The following NDC80 variants were observed in gnomAD, a reference collection of about 807,000 sequenced individuals.
NDC80 encodes the protein NDC80 kinetochore complex component, also known as kinetochore protein NDC80 homolog.
NDC80 carries 69 observed loss-of-function variants against 89.3 expected under a neutral mutation model. That is an observed-to-expected ratio of 0.77 (90% CI 0.64 to 0.94). The LOEUF (loss-of-function observed/expected upper bound fraction) is 0.94, where lower values mean the gene tolerates loss of function less well. Ranked by LOEUF, NDC80 falls within the 40% of genes least tolerant of loss-of-function variation. The probability of loss-of-function intolerance (pLI) is 0.00; values close to 1 mark genes in which losing one functional copy is unlikely to be tolerated. For missense variants in NDC80, 593 were observed against 739.6 expected (o/e 0.80, Z 2.30); for synonymous variants, 243 against 255.6 (o/e 0.95, Z 0.47).
In NDC80 at chr18:2,579,041, G is replaced by T. The variant is rs771581284; in HGVS notation, c.579+12G>T. 32 of 1,476,830 alleles carry T rather than the reference G, an allele frequency of 2.2e-5. No homozygotes were observed. Among genetic ancestry groups the T allele is most frequent in the Non-Finnish European group, 2.6e-5 (29 of 1,103,290 alleles). 91.5% of individuals were successfully genotyped at this position (1,476,830 alleles called of 1,614,324 possible). A position where few individuals can be genotyped will look rare whatever the true frequency, so the allele number is the denominator to read the frequency against. On this transcript the variant is annotated intron_variant, in intron 6 of 16. Transcript: ENST00000261597. Reference sequence around the variant, plus strand: ...TAGACTGCATCAAGGTATTTGATTTGTTCTTTTGAAATGTATACATGGGAA... The same window carrying T: ...TAGACTGCATCAAGGTATTTGATTTTTTCTTTTGAAATGTATACATGGGAA...
At chr18:2,596,878 G>A (rs1383767470) in intron 11 of NDC80, among the ~76,000 whole-genome samples, 1 of 151,648 alleles carries the variant, frequency 6.6e-6, no homozygotes, top group East Asian at 1.9e-4. Flanking sequence ...CCTTTGTAGG[G>A]ACATGGATGA....
chr18:2,608,970 A>T, intron 15 of NDC80, 140 bp downstream of exon 15: 1 of 843,302 alleles, frequency 1.2e-6, no homozygotes, highest in Non-Finnish European at 1.7e-6. Context: ...ATAGAACTTA[A>T]GTACAACTGC....
chr18:2,606,181 C>A (rs888549352), intron 13 of NDC80, among the ~76,000 whole-genome samples: 1 of 151,188 alleles, frequency 6.6e-6, no homozygotes, highest in South Asian at 2.1e-4. Flanking sequence ...AAAGCACTCC[C>A]ACAACAACTA....
chr18:2,579,464 G>C (rs1221921262), intron 6 of NDC80, among the ~76,000 whole-genome samples: 2 of 152,136 alleles, frequency 1.3e-5, no homozygotes, highest in Non-Finnish European at 2.9e-5. Context: ...GTCTCGCTGT[G>C]TTGCCCAGGC....
rs890060574 is a variant in NDC80 at position 2,590,058 on chromosome 18, A to G, written c.911A>G (p.Gln304Arg). 2 of 1,609,544 alleles carry G rather than the reference A, an allele frequency of 1.2e-6. No homozygotes were observed. The highest frequency in any genetic ancestry group is 2.2e-5 in the South Asian group (2 of 90,014). ...TTGAGAAAACTGAAGGCTTCCTTAC[A>G]AGGAGATGTTCAAAAGTATCAGGCA... is the stretch of plus-strand genomic sequence containing the variant. Reference protein sequence around the residue: ...ESLRKLKASLQGDVQKYQAYM... With the variant: ...ESLRKLKASLRGDVQKYQAYM... Residue 304 changes from glutamine (Q) to arginine (R), a missense_variant, in exon 10 of 17, where the codon CAA (glutamine) becomes CGA (arginine). By Grantham distance (43) the Gln-to-Arg change is conservative. Transcript: ENST00000261597.
chr18:2,577,748 C>T lies in NDC80; in HGVS notation c.182C>T (p.Thr61Ile). Residue 61 changes from threonine (T) to isoleucine (I), a missense_variant and splice_region_variant, in exon 4 of 17, where the codon ACT becomes ATT. Coordinates refer to ENST00000261597, the MANE Select transcript of NDC80 (RefSeq NM_006101.3). ...GCTGTTTAAAAATATATTTCCAGAA[C>T]TAGTGGACATGGATCCCGGAATAGT... ...ERKVSLFGKR[T>I]SGHGSRNSQL... The T allele has an allele frequency of 6.2e-7, 1 of 1,613,508 alleles. No individual in the cohort carries two copies. Among genetic ancestry groups the T allele is most frequent in the Admixed American group, 1.7e-5 (1 of 59,816 alleles).
At chr18:2,610,716 AT>A (rs1214992868) in intron 15 of NDC80, 42 bp from the exon 16 acceptor site, 11 of 1,394,820 alleles carry the variant, frequency 7.9e-6, no homozygotes, top group East Asian at 2.4e-5. Context: ...GGATGTATTA[AT>A]TTTTTTCCTG....
intron 6 of NDC80, among the ~76,000 whole-genome samples, chr18:2,584,494 G>T (rs2072594852): frequency 1.3e-5 from 2 of 151,800 alleles, no homozygotes; most frequent in Admixed American, 1.3e-4. Context: ...TTCCAAAATG[G>T]AATTTCTATG....
At chr18:2,610,014 G>T (rs565916407) in intron 15 of NDC80, among the ~76,000 whole-genome samples, 1 of 152,120 alleles carries the variant, frequency 6.6e-6, no homozygotes, top group Non-Finnish European at 1.5e-5. Context: ...CAAATTATAC[G>T]TTGTCAGGAT....
At chr18:2,607,773 A>G (rs893739405) in intron 14 of NDC80, among the ~76,000 whole-genome samples, 1 of 150,884 alleles carries the variant, frequency 6.6e-6, no homozygotes, top group African/African-American at 2.5e-5. Flanking sequence ...CCATAATCCC[A>G]TCACTAGAAA....
chr18:2,596,338 A>C (rs1470215379), intron 11 of NDC80, among the ~76,000 whole-genome samples: 1 of 152,012 alleles, frequency 6.6e-6, no homozygotes, highest in African/African-American at 2.4e-5. Flanking sequence ...AGAAAAAAAC[A>C]AACAAACCCA....
At chr18:2,578,366 C>CAAAT (rs2072558713) in intron 5 of NDC80, among the ~76,000 whole-genome samples, 1 of 152,078 alleles carries the variant, frequency 6.6e-6, no homozygotes, top group South Asian at 2.1e-4. Flanking sequence ...TTGTTAGTAA[C>CAAAT]TGATCAAGTT....
At chr18:2,607,965 GTATATATATA>G (rs3033372) in intron 14 of NDC80, among the ~76,000 whole-genome samples, 2,533 of 68,136 alleles carry the variant, frequency 0.037, 75 homozygotes, top group Middle Eastern at 0.11. Context: ...TATATACATA[GTATATATATA>G]TATATATATA....
At position 2,610,536 on chromosome 18, in the gene NDC80, A is replaced by G. The variant is rs559489106; in HGVS notation, c.1689-223A>G. 3.3e-5 allele frequency among the ~76,000 whole-genome samples: 5 copies of G among 152,342 alleles called. No individual in the cohort carries two copies. The South Asian group carries it at 1.0e-3, about 32-fold the overall frequency. On this transcript the variant is annotated intron_variant, in intron 15 of 16. Coordinates refer to ENST00000261597, the MANE Select transcript of NDC80 (RefSeq NM_006101.3). ...GCTCCAAAGCTTTATATGTTAAAACATGGTGCTCTTTTGTTTTGTTGCTTG... is the reference window on the plus strand; with the variant it reads ...GCTCCAAAGCTTTATATGTTAAAACGTGGTGCTCTTTTGTTTTGTTGCTTG...
intron 7 of NDC80, among the ~76,000 whole-genome samples, chr18:2,587,330 C>G (rs546990307): frequency 3.9e-5 from 6 of 152,318 alleles, no homozygotes; most frequent in African/African-American, 1.4e-4. Flanking sequence ...TAGATTGCTA[C>G]TCATCATGCA....
At chr18:2,585,800 T>C (rs2072600537) in intron 7 of NDC80, among the ~76,000 whole-genome samples, 1 of 152,214 alleles carries the variant, frequency 6.6e-6, no homozygotes, top group Admixed American at 6.5e-5. Flanking sequence ...AATCATAACA[T>C]GTTATATGTT....
In NDC80 at chr18:2,587,912, A is replaced by G. The variant is rs2072610104; in HGVS notation, c.752A>G (p.Gln251Arg). The stretch of plus-strand genomic sequence containing the variant: ...TTTGATGAGATGAATGCAGAGCTGC[A>G]GTCAAAACTGAGTAAGTGTTCTCGT... ...DSFDEMNAEL[Q>R]SKLKDLFNVD... The change falls in exon 8 of 17, where the codon CAG (glutamine) becomes CGG (arginine). Residue 251 changes from glutamine to arginine, a missense_variant. Transcript: ENST00000261597. 2 of 1,613,204 alleles carry G rather than the reference A, an allele frequency of 1.2e-6. No homozygotes were observed. Among genetic ancestry groups the G allele is most frequent in the African/African-American group, 2.7e-5 (2 of 74,908 alleles).
intron 11 of NDC80, 102 bp from the exon 12 acceptor site, chr18:2,598,917 A>C: frequency 1.7e-6 from 2 of 1,162,984 alleles, no homozygotes; most frequent in Non-Finnish European, 2.4e-6. Context: ...AACTACTAAA[A>C]ATAGGTGTGA....
At position 2,612,770 on chromosome 18, in the gene NDC80, T is replaced by C. The variant is rs1283747456; in HGVS notation, c.1791+1909T>C. Among the ~76,000 whole-genome samples the C allele has an allele frequency of 2.0e-5, 3 of 152,222 alleles. No homozygotes were observed. The South Asian group carries it at 6.2e-4, about 31-fold the overall frequency. On this transcript the variant is annotated intron_variant, in intron 16 of 16. Transcript: ENST00000261597. Reference sequence around the variant, plus strand: ...TTAGTTTCTGTATAGTTTGGTGTTATTAGGAAAATTAGACCAAATTCAGCA... The same window carrying C: ...TTAGTTTCTGTATAGTTTGGTGTTACTAGGAAAATTAGACCAAATTCAGCA...
Sources: allele counts gnomAD v4.1 joint callset (sites outside exome capture counted in the v4.1 genomes callset), GRCh38; gene constraint gnomAD v4.1.1; transcripts MANE v1.5; gene names NCBI Gene and HGNC (gene_info 2026-07-23, HGNC 2026-07-21).